LRP1B: variants seen among roughly 807,000 people sequenced by gnomAD.
The protein encoded by LRP1B is low-density lipoprotein receptor-related protein 1B.
A neutral mutation model predicts 556.6 loss-of-function variants in LRP1B; 217 were observed. The observed-to-expected ratio is 0.39, with a 90% CI of 0.35 to 0.44. The LOEUF is 0.44. Among genes scored for constraint, LRP1B ranks in the 20% least tolerant of loss-of-function variants. LRP1B has a pLI of 1.00. For missense variants in LRP1B, 5,053 were observed against 5,620.8 expected, an observed-to-expected ratio of 0.90 and a Z score of 3.23; for synonymous variants, 2,047 against 1,865.8, an observed-to-expected ratio of 1.10 and a Z score of -2.50.
intron 7 of LRP1B, among the ~76,000 whole-genome samples, chr2:141,149,694 C>A (rs983333497): frequency 4.6e-5 from 7 of 152,078 alleles, no homozygotes; most frequent in African/African-American, 1.7e-4. Context: ...TCTTTGCTTC[C>A]CAAGACAATT....
Position 140,751,966 on chromosome 2 carries a change from A to G in LRP1B, c.5758+17247T>C, listed in dbSNP as rs183209989. Among the ~76,000 whole-genome samples the G allele has an allele frequency of 2.8e-4, 43 of 152,288 alleles. 1 individual carries two copies. The highest frequency in any genetic ancestry group is 1.8e-3 in the Admixed American group (27 of 15,292). On this transcript the variant is annotated intron_variant, in intron 35 of 90. Coordinates refer to ENST00000389484, the MANE Select transcript of LRP1B (RefSeq NM_018557.3). ...ATAATAACAGGTGGAGAGCTTTATT[A>G]TAGACAGCATTTTTTTTAGTCTGAA...
chr2:141,644,808 T>C (rs1689491724), intron 2 of LRP1B, among the ~76,000 whole-genome samples: 1 of 142,876 alleles, frequency 7.0e-6, no homozygotes, highest in Non-Finnish European at 1.5e-5. Context: ...ACAGGAAAAC[T>C]CATGGAAAAA....
intron 2 of LRP1B, among the ~76,000 whole-genome samples, chr2:141,743,111 G>C (rs11886854): frequency 6.6e-6 from 1 of 151,784 alleles, no homozygotes; most frequent in South Asian, 2.1e-4. Flanking sequence ...TTGGATGATT[G>C]TTATAGCTAT....
intron 2 of LRP1B, among the ~76,000 whole-genome samples, chr2:141,698,764 C>T (rs1691830881): frequency 1.3e-5 from 2 of 151,480 alleles, no homozygotes; most frequent in Admixed American, 1.3e-4. Context: ...AGGGCATTAA[C>T]TTAGAGCAGT....
chr2:140,922,719 C>T (rs1445467170), intron 21 of LRP1B, among the ~76,000 whole-genome samples: 3 of 152,014 alleles, frequency 2.0e-5, no homozygotes, highest in Non-Finnish European at 2.9e-5. Flanking sequence ...GACATGTTGG[C>T]TCTGTGAGCG....
chr2:142,117,036 T>G (rs1250472161), intron 1 of LRP1B, among the ~76,000 whole-genome samples: 1 of 152,170 alleles, frequency 6.6e-6, no homozygotes, highest in Non-Finnish European at 1.5e-5. Flanking sequence ...CACATTTCAC[T>G]AACAATGTGT....
chr2:141,587,776 T>C (rs1411661185), intron 2 of LRP1B, among the ~76,000 whole-genome samples: 2 of 152,100 alleles, frequency 1.3e-5, no homozygotes, highest in African/African-American at 2.4e-5. Flanking sequence ...TTAATGCTCA[T>C]GTAATTAACA....
At chr2:140,608,421 T>A (rs535615) in intron 41 of LRP1B, among the ~76,000 whole-genome samples, 150,566 of 152,326 alleles carry the variant, frequency 0.99, 74,444 homozygotes, top group Middle Eastern at 1. Flanking sequence ...CTTTTCGTGA[T>A]CGTGGATCTG....
At chr2:141,666,798 A>C (rs1311747469) in intron 2 of LRP1B, among the ~76,000 whole-genome samples, 1 of 152,182 alleles carries the variant, frequency 6.6e-6, no homozygotes, top group African/African-American at 2.4e-5. Flanking sequence ...CCAGCAGGAC[A>C]AACTCTAGGA....
chr2:141,894,979 C>T (rs1025274185), intron 1 of LRP1B, among the ~76,000 whole-genome samples: 8 of 140,214 alleles, frequency 5.7e-5, no homozygotes, highest in African/African-American at 1.9e-4. Context: ...ACCCAAGAGG[C>T]GGAGGTTGCA....
At chr2:141,177,569 TA>T (rs1574157684) in intron 7 of LRP1B, among the ~76,000 whole-genome samples, 1 of 152,138 alleles carries the variant, frequency 6.6e-6, no homozygotes, top group East Asian at 1.9e-4. Context: ...GAAATAAGTT[TA>T]AAAGCACAAT....
chr2:141,740,993 T>C (rs2105541646), intron 2 of LRP1B, among the ~76,000 whole-genome samples: 1 of 152,250 alleles, frequency 6.6e-6, no homozygotes, highest in East Asian at 1.9e-4. Flanking sequence ...AATGTTTAGG[T>C]CCCAGAAATA....
intron 11 of LRP1B, among the ~76,000 whole-genome samples, chr2:141,042,976 G>A (rs1387404597): frequency 6.7e-6 from 1 of 148,240 alleles, no homozygotes; most frequent in East Asian, 2.0e-4. Context: ...TGGATCACTT[G>A]AGCCCAGGAG....
intron 18 of LRP1B, among the ~76,000 whole-genome samples, chr2:140,970,714 C>CTTTTTT (rs571691521): frequency 1.6e-4 from 2 of 12,248 alleles, no homozygotes; most frequent in East Asian, 2.0e-3. Flanking sequence ...ATTTTTTAAC[C>CTTTTTT]TTTTTTTTTT....
chr2:140,733,613 A>G (rs2105504890), intron 35 of LRP1B, among the ~76,000 whole-genome samples: 1 of 152,322 alleles, frequency 6.6e-6, no homozygotes, highest in Middle Eastern at 3.4e-3. Context: ...CAGGCACAAA[A>G]GAATATATAT....
At chr2:141,580,841 A>C (rs923794975) in intron 2 of LRP1B, among the ~76,000 whole-genome samples, 1 of 152,204 alleles carries the variant, frequency 6.6e-6, no homozygotes, top group Non-Finnish European at 1.5e-5. Context: ...TGCTCTCAAG[A>C]TCTCAATGAT....
intron 7 of LRP1B, among the ~76,000 whole-genome samples, chr2:141,144,738 G>A (rs1701740982): frequency 6.6e-6 from 1 of 152,156 alleles, no homozygotes; most frequent in Admixed American, 6.6e-5. Context: ...CATCATTAAA[G>A]TCACCATCTG....
intron 60 of LRP1B, among the ~76,000 whole-genome samples, chr2:140,459,761 G>C (rs1687242142): frequency 6.6e-6 from 1 of 152,116 alleles, no homozygotes; most frequent in African/African-American, 2.4e-5. Context: ...CCAGTGTTGA[G>C]GGAGTGATCT....
chr2:140,644,272 G>C (rs934024193), intron 41 of LRP1B, among the ~76,000 whole-genome samples: 9 of 151,976 alleles, frequency 5.9e-5, no homozygotes, highest in Non-Finnish European at 4.4e-5. Flanking sequence ...TATGTAAGAA[G>C]ATATATATTG....
Sources: gnomAD v4.1 joint callset for allele counts (sites outside exome capture counted in the v4.1 genomes callset) on GRCh38, gnomAD v4.1.1 for gene constraint, MANE v1.5 for transcripts, NCBI Gene and HGNC (gene_info 2026-07-23, HGNC 2026-07-21) for gene names.